Variants in YBX3 observed in about 807,000 individuals in gnomAD.
YBX3 encodes Y-box binding protein 3.
In YBX3, 29 loss-of-function variants were observed where a neutral mutation model predicts 42.4. The ratio of observed to expected loss-of-function variants is 0.68; its 90% CI spans 0.51 to 0.93. The LOEUF (loss-of-function observed/expected upper bound fraction) is 0.93, where lower values mean the gene tolerates loss of function less well. Ranked by LOEUF, YBX3 falls within the 40% of genes least tolerant of loss-of-function variation. The pLI is 0.00. For missense variants in YBX3, 517 were observed against 527.5 expected (o/e 0.98, Z 0.19); for synonymous variants, 195 against 189.8 (o/e 1.03, Z -0.22).
chr12:10,717,339 C>G (rs954978330), intron 3 of YBX3, among the ~76,000 whole-genome samples: 18 of 152,306 alleles, frequency 1.2e-4, no homozygotes, highest in Admixed American at 3.9e-4. Flanking sequence ...TCTGAGAACG[C>G]ATATTTCAGA....
chr12:10,715,804 T>C (rs745799534), intron 3 of YBX3, 21 bp from the exon 4 acceptor site: 2 of 1,599,588 alleles, frequency 1.3e-6, no homozygotes, highest in South Asian at 2.2e-5. Context: ...AACAGAAAAT[T>C]TTATTCGATG....
Position 10,718,069 on chromosome 12 carries a change from T to C in YBX3, c.360+19A>G, listed in dbSNP as rs750130793. 3 of 1,602,102 alleles carry C rather than the reference T, an allele frequency of 1.9e-6. No individual in the cohort carries two copies. The highest frequency in any genetic ancestry group is 1.7e-4 in the Middle Eastern group (1 of 6,040). On this transcript the variant is annotated intron_variant, in intron 3 of 9. Transcript: ENST00000228251. ...CCCTCTCCTCACATAGCAAATGTAG[T>C]ATTTATAATCCCTCTTACCTGATGT...
Position 10,713,230 on chromosome 12 carries a change from C to T in YBX3, c.554G>A (p.Arg185His), listed in dbSNP as rs199517843. The T allele has an allele frequency of 7.4e-5, 119 of 1,612,222 alleles. No homozygotes were observed. In the East Asian group the frequency reaches 1.0e-3, roughly 14 times the overall value. ...ACGTACATTCCGGGGAGGGCCACGG[C>T]GCCTTCCATAGTAGCCACGTCTGTA... ...RRYRRGYYGR[R>H]RGPPRNYAGE... Residue 185 changes from arginine (R) to histidine (H), a missense_variant, in exon 5 of 10, where the codon CGC (arginine) becomes CAC (histidine). This residue lies in a region of YBX3 where 420 missense variants were observed against 408.5 expected (regional missense o/e 1.03). Transcript: ENST00000228251.
intron 6 of YBX3, among the ~76,000 whole-genome samples, chr12:10,708,120 A>G (rs1450853052): frequency 3.9e-5 from 6 of 152,190 alleles, no homozygotes; most frequent in Admixed American, 3.3e-4. Flanking sequence ...TAGATGCCAC[A>G]ATGTTGCTCC....
intron 1 of YBX3, among the ~76,000 whole-genome samples, chr12:10,720,308 G>A (rs1256014980): frequency 5.9e-5 from 9 of 152,166 alleles, no homozygotes; most frequent in African/African-American, 2.2e-4. Flanking sequence ...TCTGAAGTTT[G>A]CTAGACTGAT....
intron 4 of YBX3, 114 bp from the exon 5 acceptor site, chr12:10,713,447 T>C (rs568611767): frequency 4.4e-4 from 563 of 1,292,646 alleles, no homozygotes; most frequent in Non-Finnish European, 5.7e-4. Flanking sequence ...GAATTCCCAC[T>C]GTGATTTTAA....
intron 1 of YBX3, chr12:10,722,207 C>T (rs1451004594): frequency 6.6e-6 from 1 of 152,298 alleles, no homozygotes; most frequent in African/African-American, 2.4e-5. Context: ...AGACGTGGGA[C>T]TAAGACCCAA....
At chr12:10,716,589 T>C (rs1565591420) in intron 3 of YBX3, among the ~76,000 whole-genome samples, 2 of 152,242 alleles carry the variant, frequency 1.3e-5, no homozygotes, top group African/African-American at 4.8e-5. Context: ...ATTCCTGCCA[T>C]GCATTTCCAT....
In YBX3 at chr12:10,709,939, G is replaced by C. The variant is rs761368552; in HGVS notation, c.749C>G (p.Ser250Ter). The C allele has an allele frequency of 6.2e-7, 1 of 1,614,184 alleles. No homozygotes were observed. Among genetic ancestry groups the C allele is most frequent in the Non-Finnish European group, 8.5e-7 (1 of 1,180,050 alleles). ...YHVGQTFDRRSRVLPHPNRIQ... is the reference protein window; with the variant it reads ...YHVGQTFDRR ...TCTGTTGGGATGGGGTAAGACCCGT[G>C]AGCGACGGTCAAAGGTCTGTCCCAC... Residue 250 changes from serine to a stop codon, truncating the protein, a stop_gained, in exon 6 of 10, where the codon TCA becomes TGA. Coordinates refer to ENST00000228251, the MANE Select transcript of YBX3 (RefSeq NM_003651.5). LOFTEE classifies it high-confidence loss of function.
In YBX3 at chr12:10,701,985, T is replaced by C; in HGVS notation, c.1028A>G (p.Asn343Ser). The C allele has an allele frequency of 6.2e-7, 1 of 1,613,530 alleles. No homozygotes were observed. Among genetic ancestry groups the C allele is most frequent in the Non-Finnish European group, 8.5e-7 (1 of 1,179,824 alleles). ...CTCTTTGCCATCTTGTGAAGGAGCG[T>C]TAGGAGGACGCGGGCGACGCCGGTA... ...YNYRRRPRPPNAPSQDGKEAK... is the reference protein window; with the variant it reads ...YNYRRRPRPPSAPSQDGKEAK... The change falls in exon 8 of 10, where the codon AAC (asparagine) becomes AGC (serine). Residue 343 changes from asparagine (N) to serine (S), a missense_variant. Coordinates refer to ENST00000228251, the MANE Select transcript of YBX3 (RefSeq NM_003651.5).
chr12:10,723,301 T>TC lies in YBX3; in HGVS notation c.-191_-190insG. The TC allele has an allele frequency of 1.1e-6, 1 of 930,600 alleles. No homozygotes were observed. The highest frequency in any genetic ancestry group is 1.4e-6 in the Non-Finnish European group (1 of 733,422). The allele number at this position is 930,600 out of a possible 1,614,324, so 57.6% of individuals were successfully genotyped here. A position where few individuals can be genotyped will look rare whatever the true frequency, so the allele number is the denominator to read the frequency against. On this transcript the variant is annotated 5_prime_UTR_variant, in exon 1 of 10. Coordinates refer to ENST00000228251, the MANE Select transcript of YBX3 (RefSeq NM_003651.5). ...GAGCTTCGTGCTGCGCGCTCTCTCT[T>TC]GGGCTCCTCGCTCGATCTTACTGCC...
chr12:10,722,926 G>A lies in YBX3; in HGVS notation c.186C>T (p.Pro62=), dbSNP rs1042085. Reference sequence around the variant, plus strand: ...CGGCGGCCGCGGTGCCCGTGGCTGCGGGGGCCGCGTCCCCACCGGGGTTTC... The same window carrying A: ...CGGCGGCCGCGGTGCCCGTGGCTGCAGGGGCCGCGTCCCCACCGGGGTTTC... ...VAGNPGGDAA[P]AATGTAAAAS... is the part of the protein sequence containing the mutation. The change falls in exon 1 of 10, where the codon CCC becomes CCT. Residue 62 remains proline (P), a synonymous_variant. Transcript: ENST00000228251. The A allele has an allele frequency of 0.094, 129,286 of 1,373,408 alleles. 8,291 individuals carry two copies. The highest frequency in any genetic ancestry group is 0.37 in the East Asian group (12,134 of 32,624). 85.1% of individuals were successfully genotyped at this position (1,373,408 alleles called of 1,614,324 possible).
chr12:10,708,590 G>T (rs906721429), intron 6 of YBX3, among the ~76,000 whole-genome samples: 1 of 152,156 alleles, frequency 6.6e-6, no homozygotes, highest in African/African-American at 2.4e-5. Flanking sequence ...ATGGTTTAAA[G>T]GATCAAGACA....
chr12:10,723,168 G>C lies in YBX3; in HGVS notation c.-57C>G. The C allele has an allele frequency of 8.4e-7, 1 of 1,186,528 alleles. No homozygotes were observed. The highest frequency in any genetic ancestry group is 1.0e-6 in the Non-Finnish European group (1 of 958,920). 73.5% of individuals were successfully genotyped at this position (1,186,528 alleles called of 1,614,324 possible). On this transcript the variant is annotated 5_prime_UTR_variant, in exon 1 of 10. Transcript: ENST00000228251. ...CTCGGTGGCGGTTGGTCGGCGGTTA[G>C]CGCGGCTGGTGGTCGCGGCGGCCGG...
rs1263977528 is a variant in YBX3 at position 10,702,126 on chromosome 12, G to C, written c.887C>G (p.Pro296Arg). 6.2e-7 allele frequency: 1 copy of C among 1,613,774 alleles called. No homozygotes were observed. The highest frequency in any genetic ancestry group is 1.3e-5 in the African/African-American group (1 of 74,916). The change falls in exon 8 of 10, where the codon CCT (proline) becomes CGT (arginine). Residue 296 changes from proline to arginine, a missense_variant. This residue lies in a region of YBX3 where 420 missense variants were observed against 408.5 expected (regional missense o/e 1.03). Coordinates refer to ENST00000228251, the MANE Select transcript of YBX3 (RefSeq NM_003651.5). ...TGCTGGGGCAGGTCGTGGGCGAGGA[G>C]GTCCCCTGCTGTAGGGAACACAGAA... ...TYRPRYRSRG[P>R]PRPRPAPAVG...
chr12:10,722,685 GCTGGGGACCCGGAGACCC>G (rs566030274), intron 1 of YBX3, among the ~76,000 whole-genome samples, 147 bp downstream of exon 1: 82 of 152,252 alleles, frequency 5.4e-4, no homozygotes, highest in East Asian at 1.2e-3. Context: ...GGCGGCCAGC[GCTGGGGACCCGGAGACCC>G]CTGGGGACCC....
At chr12:10,704,721 A>G (rs963351369) in intron 6 of YBX3, among the ~76,000 whole-genome samples, 2 of 152,128 alleles carry the variant, frequency 1.3e-5, no homozygotes, top group African/African-American at 4.8e-5. Context: ...CTCATTAGCA[A>G]ATCTACCCAG....
intron 9 of YBX3, among the ~76,000 whole-genome samples, chr12:10,700,942 C>T (rs572055669): frequency 3.9e-5 from 6 of 152,248 alleles, no homozygotes; most frequent in South Asian, 4.1e-4. Flanking sequence ...AAAACCAGGC[C>T]TTTGTTAGGG....
intron 4 of YBX3, among the ~76,000 whole-genome samples, chr12:10,714,787 T>C (rs1948241480): frequency 6.6e-6 from 1 of 151,664 alleles, no homozygotes. Flanking sequence ...AAAAACGGAA[T>C]CTTGCTCTGT....
Sources: allele counts gnomAD v4.1 joint callset (sites outside exome capture counted in the v4.1 genomes callset), GRCh38; gene constraint gnomAD v4.1.1; regional missense constraint gnomAD v4.1.1; transcripts MANE v1.5; gene names NCBI Gene and HGNC (gene_info 2026-07-23, HGNC 2026-07-21).